The following RIC1 variants were observed in gnomAD, a reference collection of about 807,000 sequenced individuals.
RIC1 encodes the protein RIC1 partner of RAB6A GEF complex, also known as guanine nucleotide exchange factor subunit RIC1.
In RIC1, 88 loss-of-function variants were observed where a neutral mutation model predicts 169.0. The ratio of observed to expected loss-of-function variants is 0.52; its 90% CI spans 0.44 to 0.62. RIC1 has a LOEUF of 0.62. Ranked by LOEUF, RIC1 falls within the 20% of genes least tolerant of loss-of-function variation. RIC1 has a pLI of 0.00. For synonymous variants in RIC1, 790 were observed against 601.5 expected (o/e 1.31, Z -4.59); for missense variants, 1,877 against 1,725.5 (o/e 1.09, Z -1.56).
intron 2 of RIC1, among the ~76,000 whole-genome samples, chr9:5,670,853 G>A (rs527270148): frequency 6.6e-6 from 1 of 152,254 alleles, no homozygotes; most frequent in East Asian, 1.9e-4. Flanking sequence ...AGGATAGTTT[G>A]GTGGGGCAGG....
chr9:5,773,880 A>T lies in RIC1; in HGVS notation c.3984-78A>T. The stretch of plus-strand genomic sequence containing the variant: ...CGTCGTCTTTACCATATCAATGTTC[A>T]GTAGAAGTTCACCCGTAATGTTCTA... On this transcript the variant is annotated intron_variant, in intron 25 of 25. Coordinates refer to ENST00000414202, the MANE Select transcript of RIC1 (RefSeq NM_020829.4). 3.1e-6 allele frequency: 4 copies of T among 1,308,182 alleles called. No homozygotes were observed. In the South Asian group the frequency reaches 5.9e-5, roughly 19 times the overall value. The allele number at this position is 1,308,182 out of a possible 1,614,324, so 81.0% of individuals were successfully genotyped here. A position where few individuals can be genotyped will look rare whatever the true frequency, so the allele number is the denominator to read the frequency against.
chr9:5,716,532 GA>G, intron 4 of RIC1, among the ~76,000 whole-genome samples: 1 of 152,292 alleles, frequency 6.6e-6, no homozygotes, highest in East Asian at 1.9e-4. Context: ...ATAATTGCTT[GA>G]ACCCGGGAGG....
intron 2 of RIC1, among the ~76,000 whole-genome samples, chr9:5,666,906 A>G (rs1045816267): frequency 2.0e-5 from 3 of 152,182 alleles, no homozygotes; most frequent in Non-Finnish European, 4.4e-5. Context: ...TCTTTATTGT[A>G]TTCTCATAAT....
At chr9:5,737,175 A>G (rs1014717578) in intron 7 of RIC1, among the ~76,000 whole-genome samples, 5 of 152,196 alleles carry the variant, frequency 3.3e-5, no homozygotes, top group African/African-American at 4.8e-5. Flanking sequence ...CTGAGAATAT[A>G]CCATGAGCAG....
intron 3 of RIC1, among the ~76,000 whole-genome samples, chr9:5,692,887 C>T (rs1324463780): frequency 1.3e-5 from 2 of 151,988 alleles, no homozygotes; most frequent in Admixed American, 6.6e-5. Context: ...TTTAGCAACC[C>T]TATGAGGTAG....
At chr9:5,717,409 T>G (rs1449437112) in intron 4 of RIC1, among the ~76,000 whole-genome samples, 3 of 152,180 alleles carry the variant, frequency 2.0e-5, no homozygotes, top group Non-Finnish European at 4.4e-5. Context: ...AACCAGTGAC[T>G]ACTCTGCTAA....
At chr9:5,698,269 A>T (rs1393356125) in intron 3 of RIC1, among the ~76,000 whole-genome samples, 1 of 152,138 alleles carries the variant, frequency 6.6e-6, no homozygotes, top group East Asian at 1.9e-4. Context: ...TTTTCTTTTA[A>T]GACTTCTGTG....
chr9:5,769,616 C>T, intron 22 of RIC1: 1 of 456,372 alleles, frequency 2.2e-6, no homozygotes, highest in Non-Finnish European at 3.7e-6. Flanking sequence ...AGAACTCATT[C>T]CAGGGGAACA....
downstream of RIC1, among the ~76,000 whole-genome samples, chr9:5,777,011 ACTT>A (rs1420298612): frequency 6.6e-6 from 1 of 152,070 alleles, no homozygotes; most frequent in Admixed American, 6.5e-5. Flanking sequence ...TTTCTATCTC[ACTT>A]CTTGGCACCA....
chr9:5,649,930 A>G (rs762306847), intron 1 of RIC1, among the ~76,000 whole-genome samples: 9 of 151,966 alleles, frequency 5.9e-5, no homozygotes, highest in Non-Finnish European at 8.8e-5. Context: ...TATTTTTCAT[A>G]TGACCTTTTT....
At chr9:5,722,348 A>T (rs200273220) in intron 6 of RIC1, among the ~76,000 whole-genome samples, 308 of 131,326 alleles carry the variant, frequency 2.3e-3, no homozygotes, top group African/African-American at 6.6e-3. Flanking sequence ...AGAGAGAGAG[A>T]GTGTGTGTGT....
At chr9:5,714,168 G>C (rs532115745) in intron 4 of RIC1, among the ~76,000 whole-genome samples, 165 bp downstream of exon 4, 87 of 152,286 alleles carry the variant, frequency 5.7e-4, no homozygotes, top group Non-Finnish European at 8.7e-4. Flanking sequence ...AAGTTTTACA[G>C]ATGGCACTTA....
intron 6 of RIC1, among the ~76,000 whole-genome samples, chr9:5,722,562 CTT>C (rs745851245): frequency 1.1e-4 from 17 of 152,104 alleles, no homozygotes; most frequent in Non-Finnish European, 2.5e-4. Flanking sequence ...CTAAATCTAT[CTT>C]TTTATTTACT....
intron 7 of RIC1, among the ~76,000 whole-genome samples, chr9:5,738,191 A>T (rs1311509930): frequency 6.6e-6 from 1 of 152,174 alleles, no homozygotes; most frequent in African/African-American, 2.4e-5. Context: ...TTCCTTTTTT[A>T]AAAATTATCA....
chr9:5,724,530 T>C (rs1823828064), intron 6 of RIC1, among the ~76,000 whole-genome samples: 1 of 152,244 alleles, frequency 6.6e-6, no homozygotes, highest in East Asian at 1.9e-4. Flanking sequence ...CTTCCTCTTT[T>C]CCTAATTGAA....
At chr9:5,741,249 T>C (rs575068101) in intron 8 of RIC1, among the ~76,000 whole-genome samples, 321 of 152,320 alleles carry the variant, frequency 2.1e-3, no homozygotes, top group Non-Finnish European at 3.1e-3. Context: ...TAGCTACCTT[T>C]CAGATCTTGT....
intron 1 of RIC1, among the ~76,000 whole-genome samples, chr9:5,644,399 G>A (rs1302345494): frequency 6.6e-6 from 1 of 152,166 alleles, no homozygotes; most frequent in East Asian, 1.9e-4. Context: ...TTTTCAAAAT[G>A]TGTGTAAACT....
At position 5,730,163 on chromosome 9, in the gene RIC1, A is replaced by G. The variant is rs564607617; in HGVS notation, c.721-2225A>G. On this transcript the variant is annotated intron_variant, in intron 6 of 25. Coordinates refer to ENST00000414202, the MANE Select transcript of RIC1 (RefSeq NM_020829.4). ...GAAATAACTAAATGACATTTAACAG[A>G]TGTGTTAAAATGTGATTATGTCAGT... Among the ~76,000 whole-genome samples the G allele has an allele frequency of 2.6e-5, 4 of 152,352 alleles. No individual in the cohort carries two copies. In the South Asian group the frequency reaches 8.3e-4, roughly 32 times the overall value.
rs767466120 is a variant in RIC1 at position 5,629,399 on chromosome 9, G to A, written c.90G>A (p.Gln30=). Reference sequence around the variant, plus strand: ...CTTTCCACGTTCAGTCCGACCCGCAGAGGGCTTTCTTCGCCGTGCTGGCCG... The same window carrying A: ...CTTTCCACGTTCAGTCCGACCCGCAAAGGGCTTTCTTCGCCGTGCTGGCCG... The part of the protein sequence containing the change: ...EAPFHVQSDP[Q]RAFFAVLAAA... The change falls in exon 1 of 26, where the codon CAG becomes CAA. Residue 30 remains glutamine (Q), a synonymous_variant. Transcript: ENST00000414202. 4 of 1,534,192 alleles carry A rather than the reference G, an allele frequency of 2.6e-6. No individual in the cohort carries two copies. The highest frequency in any genetic ancestry group is 1.4e-5 in the African/African-American group (1 of 72,942).
Sources: gnomAD v4.1 joint callset for allele counts (sites outside exome capture counted in the v4.1 genomes callset) on GRCh38, gnomAD v4.1.1 for gene constraint, MANE v1.5 for transcripts, NCBI Gene and HGNC (gene_info 2026-07-23, HGNC 2026-07-21) for gene names.